The following STXBP5L variants were observed in gnomAD, a reference collection of about 807,000 sequenced individuals.
STXBP5L encodes the protein syntaxin binding protein 5L.
A neutral mutation model predicts 144.5 loss-of-function variants in STXBP5L; 65 were observed. That is an observed-to-expected ratio of 0.45 (90% confidence interval 0.37 to 0.55). The LOEUF (loss-of-function observed/expected upper bound fraction) is 0.55. Among genes scored for constraint, STXBP5L ranks in the 20% least tolerant of loss-of-function variants. STXBP5L has a pLI of 0.00. For missense variants in STXBP5L, 1,298 were observed against 1,405.5 expected (o/e 0.92, Z 1.22); for synonymous variants, 505 against 469.6 (o/e 1.08, Z -0.97).
intron 10 of STXBP5L, among the ~76,000 whole-genome samples, chr3:121,216,104 A>C (rs752386304): frequency 3.9e-5 from 6 of 151,900 alleles, no homozygotes; most frequent in Non-Finnish European, 7.4e-5. Flanking sequence ...ACCTTTTTTC[A>C]AGGTTCTTAG....
chr3:121,078,700 C>T (rs2042129277), intron 5 of STXBP5L, among the ~76,000 whole-genome samples: 1 of 152,228 alleles, frequency 6.6e-6, no homozygotes, highest in Admixed American at 6.5e-5. Context: ...CCCTGCCCCA[C>T]AGGGAGGCAG....
chr3:121,105,595 C>T (rs1432787279), intron 5 of STXBP5L, among the ~76,000 whole-genome samples: 2 of 152,032 alleles, frequency 1.3e-5, no homozygotes, highest in East Asian at 1.9e-4. Context: ...AACACTTCTA[C>T]ACTGTTGGTG....
chr3:121,365,168 T>G (rs1488450438), intron 20 of STXBP5L, among the ~76,000 whole-genome samples: 1 of 151,956 alleles, frequency 6.6e-6, no homozygotes, highest in Admixed American at 6.6e-5. Flanking sequence ...TTAATAGTAT[T>G]CTATTGAGTA....
chr3:121,159,085 G>C (rs2108010276), intron 9 of STXBP5L: 1 of 151,840 alleles, frequency 6.6e-6, no homozygotes, highest in East Asian at 1.9e-4. Flanking sequence ...GTCATCTATT[G>C]ACATTCTTTG....
chr3:121,374,541 C>A (rs2046127566), intron 20 of STXBP5L, among the ~76,000 whole-genome samples: 1 of 151,864 alleles, frequency 6.6e-6, no homozygotes, highest in Non-Finnish European at 1.5e-5. Flanking sequence ...CAAGAGTATA[C>A]AGATAAATAC....
At chr3:120,950,554 C>T (rs1412118316) in intron 2 of STXBP5L, among the ~76,000 whole-genome samples, 6 of 151,794 alleles carry the variant, frequency 4.0e-5, no homozygotes, top group African/African-American at 1.5e-4. Context: ...TTTTATTATA[C>T]TTTAAGTTTT....
intron 5 of STXBP5L, chr3:121,049,664 G>T (rs930175839): frequency 1.3e-5 from 2 of 154,090 alleles, no homozygotes; most frequent in Non-Finnish European, 2.9e-5. Flanking sequence ...ATCCTGCAAG[G>T]TGCTGCAGAG....
At chr3:121,318,174 T>C (rs919383892) in intron 19 of STXBP5L, among the ~76,000 whole-genome samples, 1 of 152,028 alleles carries the variant, frequency 6.6e-6, no homozygotes, top group Non-Finnish European at 1.5e-5. Context: ...ATTTTCAGAA[T>C]AGGCCAGGCA....
intron 5 of STXBP5L, among the ~76,000 whole-genome samples, chr3:121,098,355 A>G (rs1168354979): frequency 6.6e-6 from 1 of 152,190 alleles, no homozygotes; most frequent in Admixed American, 6.5e-5. Context: ...AGGGAGCAAG[A>G]GAGAGAGGCA....
intron 15 of STXBP5L, among the ~76,000 whole-genome samples, chr3:121,252,578 C>A (rs2050062325): frequency 6.6e-6 from 1 of 152,058 alleles, no homozygotes; most frequent in Non-Finnish European, 1.5e-5. Context: ...AAGGTCATAT[C>A]TCCAACTTAA....
chr3:121,045,575 A>C, intron 5 of STXBP5L, 40 bp downstream of exon 5: 3 of 1,564,266 alleles, frequency 1.9e-6, no homozygotes, highest in Non-Finnish European at 2.6e-6. Flanking sequence ...AATGTACAAC[A>C]AAATTATTTC....
chr3:121,119,647 AT>A (rs1287041083), intron 6 of STXBP5L, among the ~76,000 whole-genome samples: 1 of 151,162 alleles, frequency 6.6e-6, no homozygotes, highest in East Asian at 1.9e-4. Context: ...ATGCTTTTTT[AT>A]TTTTAGGTCA....
chr3:121,210,141 T>G (rs1196757740), intron 10 of STXBP5L, among the ~76,000 whole-genome samples: 1 of 152,094 alleles, frequency 6.6e-6, no homozygotes, highest in East Asian at 1.9e-4. Flanking sequence ...TGGTGTGAGA[T>G]GGTATCTCAT....
At chr3:121,170,941 A>T (rs2046689270) in intron 9 of STXBP5L, among the ~76,000 whole-genome samples, 1 of 152,222 alleles carries the variant, frequency 6.6e-6, no homozygotes, top group African/African-American at 2.4e-5. Flanking sequence ...AAAAATCCTC[A>T]ATAAAATACT....
At chr3:121,373,292 A>G (rs2046086545) in intron 20 of STXBP5L, among the ~76,000 whole-genome samples, 1 of 152,218 alleles carries the variant, frequency 6.6e-6, no homozygotes, top group Admixed American at 6.5e-5. Context: ...TCCACATTCC[A>G]ACCACAAATG....
At chr3:121,005,082 G>A (rs1305663144) in intron 3 of STXBP5L, among the ~76,000 whole-genome samples, 1 of 152,184 alleles carries the variant, frequency 6.6e-6, no homozygotes, top group Non-Finnish European at 1.5e-5. Context: ...AGTTAGGGAG[G>A]ATTCCCTCTA....
intron 5 of STXBP5L, among the ~76,000 whole-genome samples, chr3:121,061,945 G>A (rs113690717): frequency 0.13 from 19,893 of 152,064 alleles, 1,619 homozygotes; most frequent in Non-Finnish European, 0.19. Flanking sequence ...CTTTTAATTG[G>A]GGCATTTAGC....
intron 20 of STXBP5L, among the ~76,000 whole-genome samples, chr3:121,335,717 T>C (rs2044482377): frequency 6.6e-6 from 1 of 152,148 alleles, no homozygotes; most frequent in Non-Finnish European, 1.5e-5. Flanking sequence ...GCTAGCTAAA[T>C]GCAGAAGATT....
chr3:121,418,665 A>G (rs1329119685), intron 26 of STXBP5L, 108 bp downstream of exon 26: 2 of 1,045,554 alleles, frequency 1.9e-6, no homozygotes, highest in Non-Finnish European at 2.8e-6. Flanking sequence ...ATCCTGTATG[A>G]GAATCATGGT....
Sources: gnomAD v4.1 joint callset for allele counts (sites outside exome capture counted in the v4.1 genomes callset) on GRCh38, gnomAD v4.1.1 for gene constraint, MANE v1.5 for transcripts, NCBI Gene and HGNC (gene_info 2026-07-23, HGNC 2026-07-21) for gene names.